Variants in SLC26A7 observed in about 807,000 individuals in gnomAD.
SLC26A7 encodes the protein anion exchange transporter.
SLC26A7 carries 59 observed loss-of-function variants against 82.5 expected under a neutral mutation model. The observed-to-expected ratio is 0.72, with a 90% confidence interval of 0.58 to 0.89. SLC26A7 has a LOEUF of 0.89. Among genes scored for constraint, SLC26A7 ranks in the 40% least tolerant of loss-of-function variants. The pLI is 0.00. For synonymous variants in SLC26A7, 271 were observed against 274.3 expected, an observed-to-expected ratio of 0.99 and a Z score of 0.12; for missense variants, 820 against 793.0, an observed-to-expected ratio of 1.03 and a Z score of -0.41.
At chr8:91,299,122 CTATT>C (rs1812092956) in intron 4 of SLC26A7, among the ~76,000 whole-genome samples, 4 of 152,122 alleles carry the variant, frequency 2.6e-5, no homozygotes, top group Middle Eastern at 6.8e-3. Flanking sequence ...TGTGAATTGT[CTATT>C]TATATTTGTC....
intron 2 of SLC26A7, among the ~76,000 whole-genome samples, chr8:91,227,880 G>T (rs1453525866): frequency 6.6e-6 from 1 of 152,144 alleles, no homozygotes; most frequent in Non-Finnish European, 1.5e-5. Flanking sequence ...GTTCCTTCTT[G>T]TCTAAGTTAT....
intron 2 of SLC26A7, among the ~76,000 whole-genome samples, chr8:91,252,611 A>G (rs1810689896): frequency 6.6e-6 from 1 of 152,032 alleles, no homozygotes; most frequent in African/African-American, 2.4e-5. Flanking sequence ...GCCTTCACTA[A>G]AAGCATAAAA....
At chr8:91,292,350 T>C (rs542469885) in intron 3 of SLC26A7, among the ~76,000 whole-genome samples, 337 of 151,492 alleles carry the variant, frequency 2.2e-3, no homozygotes, top group African/African-American at 7.7e-3. Context: ...TTTTGCAACA[T>C]ATATATGTCA....
chr8:91,390,142 G>A (rs1391476121), intron 16 of SLC26A7, among the ~76,000 whole-genome samples: 2 of 139,036 alleles, frequency 1.4e-5, no homozygotes, highest in Non-Finnish European at 3.0e-5. Flanking sequence ...ACGGAGTCTC[G>A]CTCTATCGCC....
chr8:91,255,021 A>G (rs564197251), intron 2 of SLC26A7, among the ~76,000 whole-genome samples: 28 of 152,146 alleles, frequency 1.8e-4, no homozygotes, highest in Non-Finnish European at 4.0e-4. Flanking sequence ...TACAGCCTGA[A>G]TGACCATCTG....
At position 91,233,471 on chromosome 8, in the gene SLC26A7, A is replaced by T. The variant is rs929230498; in HGVS notation, c.-34+14466A>T. Among the ~76,000 whole-genome samples, 4 of 152,062 alleles carry T rather than the reference A, an allele frequency of 2.6e-5. No homozygotes were observed. The East Asian group carries it at 7.7e-4, about 29-fold the overall frequency. On this transcript the variant is annotated intron_variant, in intron 2 of 5. Transcript: ENST00000522862. ...AATCCTAGCTACTTGGGAGGCTGAG[A>T]CAGGAGAATCACTTGAACCTGGGAG...
At chr8:91,248,399 G>C (rs1329261830), upstream of SLC26A7, among the ~76,000 whole-genome samples, 2 of 152,006 alleles carry the variant, frequency 1.3e-5, no homozygotes, top group South Asian at 2.1e-4. Context: ...TATTATAAAG[G>C]CTTCCAGAAA....
At chr8:91,377,479 C>T (rs946292604) in intron 15 of SLC26A7, among the ~76,000 whole-genome samples, 6 of 152,130 alleles carry the variant, frequency 3.9e-5, no homozygotes, top group Admixed American at 6.5e-5. Context: ...GAGATGTTTG[C>T]GGGCAGTCTG....
chr8:91,251,561 A>G (rs1810657999), intron 2 of SLC26A7, among the ~76,000 whole-genome samples: 1 of 152,118 alleles, frequency 6.6e-6, no homozygotes. Flanking sequence ...CTACGTATAG[A>G]CAGTTAAAAA....
chr8:91,259,289 T>G (rs922579370), intron 2 of SLC26A7, among the ~76,000 whole-genome samples: 1 of 152,042 alleles, frequency 6.6e-6, no homozygotes, highest in Admixed American at 6.6e-5. Flanking sequence ...GACATGGACT[T>G]TCTAATTTGC....
chr8:91,315,890 C>T (rs1812616770), intron 4 of SLC26A7, among the ~76,000 whole-genome samples: 1 of 152,148 alleles, frequency 6.6e-6, no homozygotes, highest in Non-Finnish European at 1.5e-5. Context: ...TTATTTCACA[C>T]TCACCTTACA....
intron 5 of SLC26A7, among the ~76,000 whole-genome samples, chr8:91,326,229 G>A (rs1487091334): frequency 6.6e-6 from 1 of 152,164 alleles, no homozygotes. Flanking sequence ...AAGAACAAAA[G>A]CTTGGAATCC....
intron 2 of SLC26A7, among the ~76,000 whole-genome samples, chr8:91,266,726 C>G (rs1433870074): frequency 6.6e-6 from 1 of 151,818 alleles, no homozygotes; most frequent in Admixed American, 6.6e-5. Flanking sequence ...TTTGAATGCC[C>G]TTTATTTGTT....
intron 16 of SLC26A7, among the ~76,000 whole-genome samples, chr8:91,389,740 T>C (rs921424174): frequency 1.2e-4 from 19 of 152,162 alleles, no homozygotes; most frequent in African/African-American, 4.6e-4. Context: ...GCAGTCAATT[T>C]ACAAGGATTC....
chr8:91,359,544 G>A (rs1003895116), intron 11 of SLC26A7, among the ~76,000 whole-genome samples: 6 of 152,208 alleles, frequency 3.9e-5, no homozygotes, highest in Non-Finnish European at 5.9e-5. Flanking sequence ...AATGTGGTGT[G>A]TGCAAAGATA....
At chr8:91,347,312 A>G (rs772939459) in intron 9 of SLC26A7, among the ~76,000 whole-genome samples, 7 of 152,208 alleles carry the variant, frequency 4.6e-5, no homozygotes, top group Non-Finnish European at 7.3e-5. Flanking sequence ...GAGAAGCACT[A>G]TTGAACAGAA....
rs368823220 is a variant in SLC26A7 at position 91,292,508 on chromosome 8, G to T, written c.305-3023G>T. 6.3e-4 allele frequency among the ~76,000 whole-genome samples: 96 copies of T among 152,048 alleles called. 1 individual carries two copies. Among genetic ancestry groups the T allele is most frequent in the African/African-American group, 2.2e-3 (91 of 41,452 alleles). On this transcript the variant is annotated intron_variant, in intron 3 of 18. Transcript: ENST00000276609. Reference sequence around the variant, plus strand: ...GATGCATATGCATCCCACTTCCACAGTATTATTAAGATATTGATGTTACTT... The same window carrying T: ...GATGCATATGCATCCCACTTCCACATTATTATTAAGATATTGATGTTACTT...
chr8:91,362,839 A>G (rs1277551707), intron 12 of SLC26A7, among the ~76,000 whole-genome samples: 5 of 152,116 alleles, frequency 3.3e-5, no homozygotes, highest in Non-Finnish European at 7.4e-5. Flanking sequence ...ATAACTTCAG[A>G]AAATTTTATT....
intron 2 of SLC26A7, among the ~76,000 whole-genome samples, chr8:91,260,881 C>A (rs1810944209): frequency 6.6e-6 from 1 of 151,890 alleles, no homozygotes; most frequent in African/African-American, 2.4e-5. Context: ...TGTCTGTGGA[C>A]CAAAAGAATG....
Sources: allele counts gnomAD v4.1 joint callset (sites outside exome capture counted in the v4.1 genomes callset), GRCh38; gene constraint gnomAD v4.1.1; transcripts MANE v1.5; gene names NCBI Gene and HGNC (gene_info 2026-07-23, HGNC 2026-07-21).